KYAT1: variants seen among roughly 807,000 people sequenced by gnomAD.
KYAT1 encodes kynurenine--oxoglutarate transaminase 1.
In KYAT1, 47 loss-of-function variants were observed where a neutral mutation model predicts 52.4. The observed-to-expected ratio is 0.90, with a 90% CI of 0.71 to 1.14. The LOEUF (loss-of-function observed/expected upper bound fraction) is 1.14, where lower values mean the gene tolerates loss of function less well. Ranked by LOEUF, KYAT1 falls within the 50% of genes most tolerant of loss-of-function variation. The pLI is 0.00. For synonymous variants in KYAT1, 212 were observed against 209.6 expected, an observed-to-expected ratio of 1.01 and a Z score of -0.10; for missense variants, 480 against 557.9, an observed-to-expected ratio of 0.86 and a Z score of 1.41.
intron 1 of KYAT1, among the ~76,000 whole-genome samples, chr9:128,872,679 C>T (rs1837404695): frequency 6.6e-6 from 1 of 150,814 alleles, no homozygotes; most frequent in African/African-American, 2.4e-5. Flanking sequence ...AGACAGGAGA[C>T]CAGCTTGAAC....
At position 128,857,692 on chromosome 9, in the gene KYAT1, T is replaced by C. The variant is rs997651049; in HGVS notation, c.-6-12281A>G. 4.7e-4 allele frequency among the ~76,000 whole-genome samples: 72 copies of C among 152,002 alleles called. 1 individual carries two copies. Among genetic ancestry groups the C allele is most frequent in the Admixed American group, 3.9e-3 (59 of 15,264 alleles). On this transcript the variant is annotated intron_variant, in intron 1 of 12. Transcript: ENST00000302586. ...TCTACTAAAAATACAAAAAATTAGC[T>C]GGGCGTGGTGGTGGGCACCTGCAGT... is the stretch of plus-strand genomic sequence containing the variant.
At position 128,833,791 on chromosome 9, in the gene KYAT1, A is replaced by G. The variant is rs1415455046; in HGVS notation, c.1158T>C (p.Ser386=). 6.2e-7 allele frequency: 1 copy of G among 1,614,246 alleles called. No individual in the cohort carries two copies. Among genetic ancestry groups the G allele is most frequent in the Admixed American group, 1.7e-5 (1 of 60,028 alleles). The change falls in exon 12 of 13, where the codon AGT becomes AGC. Residue 386 remains serine (S), a synonymous_variant. Transcript: ENST00000302586. ...LVAIPVSIFY[S]VPHQKHFDHY... ...GGTCAAAGTGCTTCTGATGTGGCAC[A>G]CTATAGAAGATGGAGACAGGGATGG...
In KYAT1 at chr9:128,842,638, A is replaced by G. The variant is rs1250335485; in HGVS notation, c.201+16T>C. ...CTTCCTCCCCCAGTGCCTCCACGAGAGATGGGGAGACTCACAAATGTCTTG... is the reference window on the plus strand; with the variant it reads ...CTTCCTCCCCCAGTGCCTCCACGAGGGATGGGGAGACTCACAAATGTCTTG... On this transcript the variant is annotated intron_variant, in intron 3 of 12. Transcript: ENST00000302586. 5 of 1,611,080 alleles carry G rather than the reference A, an allele frequency of 3.1e-6. No homozygotes were observed. The highest frequency in any genetic ancestry group is 4.2e-6 in the Non-Finnish European group (5 of 1,177,768).
intron 1 of KYAT1, among the ~76,000 whole-genome samples, chr9:128,865,334 TATATATATATA>T (rs1836132962): frequency 3.3e-3 from 8 of 2,458 alleles, no homozygotes; most frequent in Admixed American, 5.4e-3. Context: ...TATATATATA[TATATATATATA>T]TATATATATA....
intron 1 of KYAT1, among the ~76,000 whole-genome samples, chr9:128,874,931 G>T (rs1416947716): frequency 2.0e-5 from 3 of 151,168 alleles, no homozygotes; most frequent in African/African-American, 7.3e-5. Context: ...CACCATGTTG[G>T]CCAGGCTGGT....
At chr9:128,878,283 T>C (rs1838315057) in intron 1 of KYAT1, among the ~76,000 whole-genome samples, 1 of 152,056 alleles carries the variant, frequency 6.6e-6, no homozygotes, top group South Asian at 2.1e-4. Context: ...CACAGGCACG[T>C]GCCACCACAC....
chr9:128,851,762 T>C (rs1459725750), intron 1 of KYAT1, among the ~76,000 whole-genome samples: 1 of 152,212 alleles, frequency 6.6e-6, no homozygotes, highest in Non-Finnish European at 1.5e-5. Context: ...AAAGTTCACA[T>C]TGTAAATATG....
chr9:128,837,973 C>G (rs1564451660), intron 5 of KYAT1, 78 bp downstream of exon 5: 1 of 1,539,820 alleles, frequency 6.5e-7, no homozygotes, highest in African/African-American at 1.4e-5. Flanking sequence ...TTCTTTCCTC[C>G]TTTTCCAACT....
chr9:128,867,808 T>G (rs532616005), intron 1 of KYAT1, among the ~76,000 whole-genome samples: 1 of 152,390 alleles, frequency 6.6e-6, no homozygotes, highest in African/African-American at 2.4e-5. Context: ...AGTCTCGCTC[T>G]GTCGCCCAGG....
intron 1 of KYAT1, among the ~76,000 whole-genome samples, chr9:128,868,526 G>A (rs1836738423): frequency 6.6e-6 from 1 of 151,924 alleles, no homozygotes; most frequent in Admixed American, 6.6e-5. Flanking sequence ...CAAGTAGCTG[G>A]ACATTTTTTT....
At chr9:128,845,568 C>T (rs1226022153) in intron 1 of KYAT1, 157 bp from the exon 2 acceptor site, 2 of 672,852 alleles carry the variant, frequency 3.0e-6, no homozygotes, top group Non-Finnish European at 5.1e-6. Context: ...CAGGTTTCTG[C>T]CTGCCTCCCA....
In KYAT1 at chr9:128,881,648, C is replaced by T. The variant is rs550046265; in HGVS notation, c.-7+249G>A. Among the ~76,000 whole-genome samples the T allele has an allele frequency of 5.9e-5, 9 of 152,144 alleles. 1 individual carries two copies. The highest frequency in any genetic ancestry group is 1.9e-4 in the African/African-American group (8 of 41,426). ...TCTGTTGTCTCGGGTATCATCTCCA[C>T]CGGCGCGGTCGTGGGAGGGGGATTT... On this transcript the variant is annotated intron_variant, in intron 1 of 12. Transcript: ENST00000302586.
intron 1 of KYAT1, among the ~76,000 whole-genome samples, chr9:128,870,135 A>C (rs2130783352): frequency 6.6e-6 from 1 of 152,316 alleles, no homozygotes; most frequent in South Asian, 2.1e-4. Flanking sequence ...CTAGGTATAT[A>C]CCCAAAAGAA....
At chr9:128,876,401 C>G (rs891186074) in intron 1 of KYAT1, among the ~76,000 whole-genome samples, 10 of 145,968 alleles carry the variant, frequency 6.9e-5, no homozygotes, top group Admixed American at 1.5e-4. Context: ...ACCCAGTCAT[C>G]CTTTGTTCTT....
rs1462319122 is a variant in KYAT1, at chr9:128,847,675, CAACAACAAT to C, written c.-6-2273_-6-2265del. The C allele has an allele frequency of 1.2e-5, 7 of 577,694 alleles. 1 individual carries two copies. The Admixed American group carries it at 1.5e-4, about 12-fold the overall frequency. The allele number at this position is 577,694 out of a possible 1,614,324, so 35.8% of individuals were successfully genotyped here. ...ATAACAACAACAACAACAACAACAA[CAACAACAAT>C]ATGGTCATTGCGTGCCAGGAATAGC... On this transcript the variant is annotated intron_variant, in intron 1 of 12. Coordinates refer to ENST00000302586, the MANE Select transcript of KYAT1 (RefSeq NM_004059.5).
intron 6 of KYAT1, 131 bp downstream of exon 6, chr9:128,837,554 C>G (rs1006358216): frequency 2.8e-6 from 3 of 1,070,098 alleles, no homozygotes; most frequent in Non-Finnish European, 4.1e-6. Flanking sequence ...AGTCTTGGTC[C>G]TCAGTGCTCA....
Position 128,835,369 on chromosome 9 carries a change from T to C in KYAT1, c.1076A>G (p.Asp359Gly), listed in dbSNP as rs1276599270. ...GACGAAGCGTCTGTCATAGGGCTCA[T>C]CCACAGCTCCAGGCAAGTCAGGCAT... is the stretch of plus-strand genomic sequence containing the variant. Reference protein sequence around the residue: ...RKMPDLPGAVDEPYDRRFVKW... With the variant: ...RKMPDLPGAVGEPYDRRFVKW... The change falls in exon 11 of 13, where the codon GAT (aspartate) becomes GGT (glycine). Residue 359 changes from aspartate to glycine, a missense_variant. Asp to Gly is a moderately conservative substitution (Grantham distance 94). Transcript: ENST00000302586. 6.2e-7 allele frequency: 1 copy of C among 1,614,046 alleles called. No homozygotes were observed. Among genetic ancestry groups the C allele is most frequent in the Admixed American group, 1.7e-5 (1 of 60,012 alleles).
In KYAT1 at chr9:128,878,393, C is replaced by A. The variant is rs1049921201; in HGVS notation, c.-7+3504G>T. Among the ~76,000 whole-genome samples the A allele has an allele frequency of 3.3e-5, 5 of 152,248 alleles. No individual in the cohort carries two copies. In the South Asian group the frequency reaches 1.0e-3, roughly 32 times the overall value. ...CAAGCGATAGTCCCACCTCAGCCTT[C>A]CAAATTACTGGGATTATAGGCATGA... On this transcript the variant is annotated intron_variant, in intron 1 of 12. Transcript: ENST00000302586.
chr9:128,867,440 A>G (rs1204871227), intron 1 of KYAT1, among the ~76,000 whole-genome samples: 3 of 152,104 alleles, frequency 2.0e-5, no homozygotes, highest in Non-Finnish European at 4.4e-5. Context: ...TGACCTCTCA[A>G]AGTGCTGGGA....
Sources: allele counts gnomAD v4.1 joint callset (sites outside exome capture counted in the v4.1 genomes callset), GRCh38; gene constraint gnomAD v4.1.1; transcripts MANE v1.5; gene names NCBI Gene and HGNC (gene_info 2026-07-23, HGNC 2026-07-21).